GALNT2: variants seen among roughly 807,000 people sequenced by gnomAD.
GALNT2 encodes UDP-GalNAc:polypeptide N-acetylgalactosaminyltransferase 2.
A neutral mutation model predicts 81.4 loss-of-function variants in GALNT2; 31 were observed. The ratio of observed to expected loss-of-function variants is 0.38; its 90% CI spans 0.29 to 0.51. The LOEUF (loss-of-function observed/expected upper bound fraction) is 0.51, where lower values mean the gene tolerates loss of function less well. GALNT2 is among the 20% of genes least tolerant of loss of function. The pLI is 0.87. For missense variants in GALNT2, 629 were observed against 765.7 expected (o/e 0.82, Z 2.11); for synonymous variants, 303 against 287.4 (o/e 1.05, Z -0.55).
intron 1 of GALNT2, among the ~76,000 whole-genome samples, chr1:230,086,606 T>G (rs1342433621): frequency 3.9e-5 from 6 of 152,096 alleles, no homozygotes; most frequent in Non-Finnish European, 7.4e-5. Context: ...TTAAGGGAAT[T>G]TATTTTCCTT....
At chr1:230,274,371 C>T (rs1053826998) in intron 14 of GALNT2, 74 bp from the exon 15 acceptor site, 5 of 1,556,846 alleles carry the variant, frequency 3.2e-6, no homozygotes, top group Non-Finnish European at 4.4e-6. Context: ...CTTTTTGAGC[C>T]CTCATCGATG....
intron 1 of GALNT2, among the ~76,000 whole-genome samples, chr1:230,142,496 GC>G (rs1463779533): frequency 1.3e-5 from 2 of 152,182 alleles, no homozygotes; most frequent in Non-Finnish European, 2.9e-5. Context: ...ACCTCTGTGT[GC>G]CTCTGTTTCC....
chr1:230,249,245 G>C lies in GALNT2; in HGVS notation c.879G>C (p.Arg293=). Residue 293 remains arginine (R), a synonymous_variant, in exon 9 of 16, where the codon CGG becomes CGC. Transcript: ENST00000366672. The part of the protein sequence containing the change: ...DYMTPEQRRS[R]QGNPVAPIKT... Reference sequence around the variant, plus strand: ...TGACGCCTGAGCAGAGAAGGTCCCGGCAGGGGAACCCAGTCGCCCCTATAA... The same window carrying C: ...TGACGCCTGAGCAGAGAAGGTCCCGCCAGGGGAACCCAGTCGCCCCTATAA... The C allele has an allele frequency of 6.2e-7, 1 of 1,614,112 alleles. No homozygotes were observed. Among genetic ancestry groups the C allele is most frequent in the Non-Finnish European group, 8.5e-7 (1 of 1,179,994 alleles).
In GALNT2 at chr1:230,120,489, T is replaced by C. The variant is rs545395682; in HGVS notation, c.126+53083T>C. ...CCCTCTTGGTACCTCCACACATCCC[T>C]GGAGTCGGCTTTGGGGAACACTGTG... On this transcript the variant is annotated intron_variant, in intron 1 of 15. Coordinates refer to ENST00000366672, the MANE Select transcript of GALNT2 (RefSeq NM_004481.5). Among the ~76,000 whole-genome samples the C allele has an allele frequency of 1.2e-4, 19 of 152,252 alleles. No homozygotes were observed. In the South Asian group the frequency reaches 3.9e-3, roughly 32 times the overall value.
At chr1:230,186,876 A>G (rs769046208) in intron 2 of GALNT2, among the ~76,000 whole-genome samples, 35 of 152,152 alleles carry the variant, frequency 2.3e-4, no homozygotes, top group Non-Finnish European at 4.6e-4. Context: ...TGTTGAAACC[A>G]TTTTTCTTAC....
chr1:230,121,027 A>T (rs1041111914), intron 1 of GALNT2, among the ~76,000 whole-genome samples: 11 of 152,200 alleles, frequency 7.2e-5, no homozygotes, highest in African/African-American at 2.7e-4. Flanking sequence ...AATGGTACGC[A>T]CCAAGTGGTT....
intron 3 of GALNT2, among the ~76,000 whole-genome samples, chr1:230,222,569 G>GTT (rs1300986024): frequency 1.3e-5 from 2 of 151,866 alleles, no homozygotes; most frequent in Non-Finnish European, 2.9e-5. Context: ...TTTCAAAATC[G>GTT]TAAGAAACTG....
intron 6 of GALNT2, among the ~76,000 whole-genome samples, chr1:230,242,061 A>G (rs1665217871): frequency 6.6e-6 from 1 of 152,216 alleles, no homozygotes; most frequent in Admixed American, 6.5e-5. Flanking sequence ...TCCAGATACC[A>G]GAAGCTCTGA....
intron 9 of GALNT2, among the ~76,000 whole-genome samples, chr1:230,249,708 G>A (rs1665484369): frequency 6.6e-6 from 1 of 152,178 alleles, no homozygotes; most frequent in African/African-American, 2.4e-5. Flanking sequence ...AGGCCGGGCG[G>A]TGGGCTTTCT....
chr1:230,099,755 GTC>G (rs903760748), intron 1 of GALNT2, among the ~76,000 whole-genome samples: 1 of 152,220 alleles, frequency 6.6e-6, no homozygotes, highest in Non-Finnish European at 1.5e-5. Context: ...TGGCTCATCT[GTC>G]TCTGCAGATA....
intron 1 of GALNT2, among the ~76,000 whole-genome samples, chr1:230,102,586 T>C (rs1453584163): frequency 2.0e-5 from 3 of 152,160 alleles, no homozygotes; most frequent in Non-Finnish European, 4.4e-5. Context: ...TATTATTGTT[T>C]ACAAATGGTG....
At chr1:230,073,420 C>T (rs1181545261) in intron 1 of GALNT2, among the ~76,000 whole-genome samples, 2 of 152,192 alleles carry the variant, frequency 1.3e-5, no homozygotes, top group East Asian at 3.9e-4. Flanking sequence ...CCCCACCTTT[C>T]TAGGGTTCCC....
intron 2 of GALNT2, among the ~76,000 whole-genome samples, chr1:230,190,612 G>T (rs1663491000): frequency 1.3e-5 from 2 of 152,110 alleles, no homozygotes; most frequent in African/African-American, 4.8e-5. Flanking sequence ...CCCCCTCTGG[G>T]CTCTGACTCC....
intron 1 of GALNT2, among the ~76,000 whole-genome samples, chr1:230,111,527 A>AT (rs1660705282): frequency 6.6e-6 from 1 of 152,264 alleles, no homozygotes; most frequent in African/African-American, 2.4e-5. Flanking sequence ...CCTTCAGGGC[A>AT]TGTACCCAAG....
chr1:230,203,214 G>T lies in GALNT2; in HGVS notation c.298G>T (p.Ala100Ser). 1.9e-6 allele frequency: 3 copies of T among 1,614,146 alleles called. No homozygotes were observed. The highest frequency in any genetic ancestry group is 2.5e-6 in the Non-Finnish European group (3 of 1,180,024). Residue 100 changes from alanine (A) to serine (S), a missense_variant, in exon 3 of 16, where the codon GCC becomes TCC. Physicochemically the swap from Ala to Ser is moderately conservative, Grantham distance 99. This residue lies in a region of GALNT2 where 360 missense variants were observed against 492.8 expected (regional missense o/e 0.73). Transcript: ENST00000366672. ...GGTCCGCTCCGGGCAGGACCCTTAC[G>T]CCCGCAACAAGTTCAACCAGGTGGA... ...TMVRSGQDPYARNKFNQVESD... is the reference protein window; with the variant it reads ...TMVRSGQDPYSRNKFNQVESD...
At chr1:230,195,621 A>G (rs921467122) in intron 2 of GALNT2, among the ~76,000 whole-genome samples, 3 of 152,066 alleles carry the variant, frequency 2.0e-5, no homozygotes, top group Non-Finnish European at 4.4e-5. Context: ...GGCTAGGAAG[A>G]CCAGCTTTAG....
At chr1:230,094,944 G>C (rs1056944774) in intron 1 of GALNT2, among the ~76,000 whole-genome samples, 5 of 152,154 alleles carry the variant, frequency 3.3e-5, no homozygotes, top group Non-Finnish European at 5.9e-5. Context: ...TGAGGGTGAG[G>C]ATTAATTGGA....
chr1:230,172,416 C>T (rs142039261), intron 1 of GALNT2, among the ~76,000 whole-genome samples: 2 of 152,330 alleles, frequency 1.3e-5, no homozygotes, highest in Admixed American at 6.5e-5. Flanking sequence ...CATTAGAAAT[C>T]GTGGGCCAGA....
chr1:230,187,119 C>T (rs1055091257), intron 2 of GALNT2, among the ~76,000 whole-genome samples: 2 of 152,100 alleles, frequency 1.3e-5, no homozygotes, highest in African/African-American at 4.8e-5. Context: ...GACATGACAC[C>T]AAGCTGGATG....
Sources: gnomAD v4.1 joint callset for allele counts (sites outside exome capture counted in the v4.1 genomes callset) on GRCh38, gnomAD v4.1.1 for gene constraint, gnomAD v4.1.1 regional missense constraint, MANE v1.5 for transcripts, NCBI Gene and HGNC (gene_info 2026-07-23, HGNC 2026-07-21) for gene names.